Variants in TMEM132D observed in about 807,000 individuals in gnomAD.
The protein encoded by TMEM132D is mature OL transmembrane protein.
Under a neutral mutation model 62.3 loss-of-function variants are expected in TMEM132D, and 21 were observed. That is an observed-to-expected ratio of 0.34 (90% confidence interval 0.24 to 0.49). The LOEUF is 0.49. Among genes scored for constraint, TMEM132D ranks in the 20% least tolerant of loss-of-function variants. The probability of loss-of-function intolerance (pLI) is 0.99; values close to 1 mark genes in which losing one functional copy is unlikely to be tolerated. For synonymous variants in TMEM132D, 621 were observed against 575.6 expected (o/e 1.08, Z -1.13); for missense variants, 1,346 against 1,402.8 (o/e 0.96, Z 0.65).
intron 2 of TMEM132D, among the ~76,000 whole-genome samples, chr12:129,578,020 A>G (rs1054204983): frequency 2.6e-5 from 4 of 152,170 alleles, no homozygotes; most frequent in African/African-American, 9.7e-5. Flanking sequence ...GCAGAAGAAA[A>G]AGGCAGACGA....
At chr12:129,291,737 G>A (rs1488999373) in intron 4 of TMEM132D, among the ~76,000 whole-genome samples, 1 of 152,118 alleles carries the variant, frequency 6.6e-6, no homozygotes, top group Non-Finnish European at 1.5e-5. Flanking sequence ...GTGTGTGGGT[G>A]GAGGAGTTGG....
intron 5 of TMEM132D, among the ~76,000 whole-genome samples, chr12:129,195,085 G>A (rs1051288925): frequency 2.0e-5 from 3 of 152,184 alleles, no homozygotes; most frequent in African/African-American, 7.2e-5. Flanking sequence ...AGGCTTTGGT[G>A]ATAAGTTCTA....
intron 4 of TMEM132D, among the ~76,000 whole-genome samples, chr12:129,229,192 G>A (rs895735169): frequency 8.5e-5 from 13 of 152,178 alleles, no homozygotes; most frequent in African/African-American, 3.1e-4. Flanking sequence ...ACTCAGCTTC[G>A]GGTGTAACTT....
At chr12:129,178,433 G>GTT (rs60615317) in intron 5 of TMEM132D, among the ~76,000 whole-genome samples, 2,755 of 140,850 alleles carry the variant, frequency 0.02, 47 homozygotes, top group Middle Eastern at 0.043. Context: ...ACCAGCATCT[G>GTT]TTTTTTTTTT....
At chr12:129,342,320 G>A (rs1869519345) in intron 3 of TMEM132D, among the ~76,000 whole-genome samples, 1 of 152,110 alleles carries the variant, frequency 6.6e-6, no homozygotes, top group Non-Finnish European at 1.5e-5. Context: ...AACAAGCAAT[G>A]GGGAAAGGAT....
At chr12:129,647,117 C>CATATATAT (rs1184008125) in intron 2 of TMEM132D, among the ~76,000 whole-genome samples, 1 of 36,832 alleles carries the variant, frequency 2.7e-5, no homozygotes, top group African/African-American at 5.7e-5. Context: ...TTTATACATA[C>CATATATAT]ATACATATAT....
chr12:129,894,568 T>G (rs890645838), intron 1 of TMEM132D, among the ~76,000 whole-genome samples: 8 of 152,320 alleles, frequency 5.3e-5, no homozygotes, highest in African/African-American at 1.7e-4. Flanking sequence ...AAGCTTCATG[T>G]AACAGAGTCC....
chr12:129,526,900 G>C (rs1457424342), intron 3 of TMEM132D, among the ~76,000 whole-genome samples: 1 of 152,178 alleles, frequency 6.6e-6, no homozygotes, highest in Non-Finnish European at 1.5e-5. Flanking sequence ...AGGTGCCTGG[G>C]ACCCTAGTGA....
At chr12:129,140,512 C>G (rs191864409) in intron 5 of TMEM132D, among the ~76,000 whole-genome samples, 6 of 151,980 alleles carry the variant, frequency 3.9e-5, no homozygotes, top group African/African-American at 1.4e-4. Flanking sequence ...AGTATAGAGT[C>G]TTTTGTGTTT....
At chr12:129,273,112 A>G (rs1880900167) in intron 4 of TMEM132D, among the ~76,000 whole-genome samples, 2 of 151,764 alleles carry the variant, frequency 1.3e-5, no homozygotes, top group African/African-American at 2.4e-5. Flanking sequence ...ACGAGAATCA[A>G]TTGAATCTGG....
chr12:129,156,854 C>T (rs1877262018), intron 5 of TMEM132D, among the ~76,000 whole-genome samples: 1 of 151,906 alleles, frequency 6.6e-6, no homozygotes. Flanking sequence ...TTGTGATAAG[C>T]CACTTCTGAG....
intron 4 of TMEM132D, among the ~76,000 whole-genome samples, chr12:129,232,014 G>T (rs1879656354): frequency 6.6e-6 from 1 of 152,148 alleles, no homozygotes; most frequent in Non-Finnish European, 1.5e-5. Flanking sequence ...ATCTTTGCAG[G>T]TAATTCTCAC....
chr12:129,085,098 T>C, intron 5 of TMEM132D: 1 of 279,668 alleles, frequency 3.6e-6, no homozygotes, highest in Non-Finnish European at 6.6e-6. Context: ...AGTGACTACC[T>C]GGTGGGGTGA....
At chr12:129,390,231 T>A (rs10847854) in intron 3 of TMEM132D, among the ~76,000 whole-genome samples, 1 of 152,070 alleles carries the variant, frequency 6.6e-6, no homozygotes, top group South Asian at 2.1e-4. Context: ...TCTTTTTTTG[T>A]GCCTGAAGTT....
chr12:129,830,937 T>C (rs968559264), intron 1 of TMEM132D, among the ~76,000 whole-genome samples: 1 of 152,160 alleles, frequency 6.6e-6, no homozygotes, highest in Non-Finnish European at 1.5e-5. Flanking sequence ...AGAATTCAAG[T>C]GTTGGAGACA....
intron 5 of TMEM132D, among the ~76,000 whole-genome samples, chr12:129,183,755 G>C (rs1878135178): frequency 6.6e-6 from 1 of 151,522 alleles, no homozygotes; most frequent in Non-Finnish European, 1.5e-5. Flanking sequence ...TGTCCCCTTG[G>C]GTAGGGACAC....
At chr12:129,292,447 G>A (rs948166748) in intron 4 of TMEM132D, among the ~76,000 whole-genome samples, 110 of 152,242 alleles carry the variant, frequency 7.2e-4, no homozygotes, top group African/African-American at 2.4e-3. Context: ...ACCCATGAGC[G>A]CAAATGAGAT....
intron 2 of TMEM132D, among the ~76,000 whole-genome samples, chr12:129,560,947 T>C (rs1207019342): frequency 6.6e-6 from 1 of 152,190 alleles, no homozygotes; most frequent in Non-Finnish European, 1.5e-5. Flanking sequence ...TTCACAGTGA[T>C]GGAGAAGTAT....
chr12:129,405,207 C>T (rs963699087), intron 3 of TMEM132D, among the ~76,000 whole-genome samples: 3 of 151,980 alleles, frequency 2.0e-5, no homozygotes, highest in African/African-American at 7.2e-5. Context: ...TGATTTGGCT[C>T]CTGGTGAGGG....
Sources: gnomAD v4.1 joint callset for allele counts (sites outside exome capture counted in the v4.1 genomes callset) on GRCh38, gnomAD v4.1.1 for gene constraint, MANE v1.5 for transcripts, NCBI Gene and HGNC (gene_info 2026-07-23, HGNC 2026-07-21) for gene names.